The following QTMAN variants were observed in gnomAD, a reference collection of about 807,000 sequenced individuals.
QTMAN encodes queuosine-tRNA mannosyltransferase, also known as tRNA-queuosine alpha-mannosyltransferase.
At chr2:144,080,866 T>G in the QTMAN span, among the ~76,000 whole-genome samples, 1 of 152,186 alleles carries the variant, frequency 6.6e-6, no homozygotes, top group African/African-American at 2.4e-5. Flanking sequence ...GATCAAACAC[T>G]AAGCAGTATC....
the QTMAN span, among the ~76,000 whole-genome samples, chr2:144,266,353 G>C: frequency 6.6e-6 from 1 of 152,184 alleles, no homozygotes; most frequent in Non-Finnish European, 1.5e-5. Flanking sequence ...CAGAGCTTGG[G>C]AGCCAGGGTG....
At chr2:144,031,525 G>A in the QTMAN span, among the ~76,000 whole-genome samples, 5 of 152,130 alleles carry the variant, frequency 3.3e-5, no homozygotes, top group African/African-American at 4.8e-5. Context: ...AAGGAAGAGC[G>A]GGAGAAAAAT....
At chr2:144,276,786 A>G in the QTMAN span, among the ~76,000 whole-genome samples, 1 of 152,198 alleles carries the variant, frequency 6.6e-6, no homozygotes, top group Non-Finnish European at 1.5e-5. Flanking sequence ...CGCATGGCCT[A>G]ATACCTCCCA....
At chr2:144,194,435 A>C in the QTMAN span, among the ~76,000 whole-genome samples, 1 of 152,152 alleles carries the variant, frequency 6.6e-6, no homozygotes, top group African/African-American at 2.4e-5. Flanking sequence ...AAAATGCCTA[A>C]TAGGTACAAG....
chr2:144,104,340 G>A, the QTMAN span, among the ~76,000 whole-genome samples: 1 of 152,210 alleles, frequency 6.6e-6, no homozygotes, highest in Admixed American at 6.5e-5. Flanking sequence ...CAAGGGGTCA[G>A]GGAATTCCCT....
chr2:144,174,547 T>C, the QTMAN span, among the ~76,000 whole-genome samples: 2 of 152,210 alleles, frequency 1.3e-5, no homozygotes, highest in African/African-American at 2.4e-5. Context: ...TAACCACTGA[T>C]ATGCTTTGGC....
At chr2:143,998,392 T>G in the QTMAN span, among the ~76,000 whole-genome samples, 1 of 151,700 alleles carries the variant, frequency 6.6e-6, no homozygotes, top group Non-Finnish European at 1.5e-5. Context: ...CAAATAATGC[T>G]GAAATAGCTA....
chr2:144,140,878 T>C, the QTMAN span, among the ~76,000 whole-genome samples: 9 of 152,028 alleles, frequency 5.9e-5, no homozygotes, highest in African/African-American at 2.2e-4. Context: ...ATTCACTAAC[T>C]TGATTTTGTA....
At chr2:144,269,827 TAA>T in the QTMAN span, among the ~76,000 whole-genome samples, 1 of 143,646 alleles carries the variant, frequency 7.0e-6, no homozygotes. Flanking sequence ...CCTCATTTAG[TAA>T]AAAAAAAAAA....
At chr2:144,102,433 G>A in the QTMAN span, among the ~76,000 whole-genome samples, 2 of 152,298 alleles carry the variant, frequency 1.3e-5, no homozygotes, top group African/African-American at 4.8e-5. Flanking sequence ...AACTTTATGG[G>A]GTTGTTTTAC....
chr2:144,129,095 C>T, the QTMAN span, among the ~76,000 whole-genome samples: 5 of 151,636 alleles, frequency 3.3e-5, no homozygotes, highest in South Asian at 2.1e-4. Context: ...TTAAGGATTC[C>T]GTATTATAAA....
At chr2:144,239,545 A>G in the QTMAN span, among the ~76,000 whole-genome samples, 1 of 152,188 alleles carries the variant, frequency 6.6e-6, no homozygotes, top group Admixed American at 6.5e-5. Context: ...TGCTAAAGCT[A>G]CAATCTCTCA....
the QTMAN span, among the ~76,000 whole-genome samples, chr2:144,092,839 T>A: frequency 1.3e-5 from 2 of 150,282 alleles, no homozygotes; most frequent in African/African-American, 2.5e-5. Flanking sequence ...TATCTATAAA[T>A]AAAAGACAAG....
the QTMAN span, among the ~76,000 whole-genome samples, chr2:143,990,816 G>A: frequency 2.6e-3 from 396 of 152,154 alleles, no homozygotes; most frequent in East Asian, 0.019. Flanking sequence ...CAAAGCTCTC[G>A]AATACTAAAA....
At chr2:144,170,814 T>C in the QTMAN span, among the ~76,000 whole-genome samples, 1 of 152,074 alleles carries the variant, frequency 6.6e-6, no homozygotes, top group Non-Finnish European at 1.5e-5. Flanking sequence ...TACAATATAG[T>C]ACCAAATTAC....
chr2:144,164,399 T>G, the QTMAN span, among the ~76,000 whole-genome samples: 1 of 152,116 alleles, frequency 6.6e-6, no homozygotes, highest in Admixed American at 6.6e-5. Context: ...CTGTTTACCA[T>G]TATTATTATT....
At chr2:144,089,782 G>A in the QTMAN span, among the ~76,000 whole-genome samples, 1 of 151,912 alleles carries the variant, frequency 6.6e-6, no homozygotes, top group African/African-American at 2.4e-5. Context: ...GAGTGGGGGA[G>A]AGGGGAGGAT....
the QTMAN span, among the ~76,000 whole-genome samples, chr2:144,142,908 T>C: frequency 6.6e-6 from 1 of 151,996 alleles, no homozygotes; most frequent in Non-Finnish European, 1.5e-5. Flanking sequence ...ATGTAATATA[T>C]ATTCAATTGA....
At chr2:144,282,202 A>G in the QTMAN span, among the ~76,000 whole-genome samples, 1 of 152,126 alleles carries the variant, frequency 6.6e-6, no homozygotes, top group African/African-American at 2.4e-5. Flanking sequence ...GGGTAGCACA[A>G]TTTATTTATT....
Sources: allele counts gnomAD v4.1 joint callset (sites outside exome capture counted in the v4.1 genomes callset), GRCh38; gene constraint gnomAD v4.1.1; transcripts MANE v1.5; gene names NCBI Gene and HGNC (gene_info 2026-07-23, HGNC 2026-07-21).